The following GHSR variants were observed in gnomAD, a reference collection of about 807,000 sequenced individuals.
GHSR encodes growth hormone secretagogue receptor, also known as growth hormone secretagogue receptor type 1.
GHSR carries 17 observed loss-of-function variants against 24.0 expected under a neutral mutation model. The ratio of observed to expected loss-of-function variants is 0.71; its 90% confidence interval spans 0.49 to 1.06. The LOEUF (loss-of-function observed/expected upper bound fraction) is 1.06. Among genes scored for constraint, GHSR ranks in the 50% least tolerant of loss-of-function variants. The pLI is 0.00. For synonymous variants in GHSR, 238 were observed against 208.1 expected, an observed-to-expected ratio of 1.14 and a Z score of -1.24; for missense variants, 504 against 483.1, an observed-to-expected ratio of 1.04 and a Z score of -0.41.
In GHSR at chr3:172,448,101, G is replaced by T. The variant is rs1737525076; in HGVS notation, c.313C>A (p.Gln105Lys). ...TCGCCGAAGTTCCAGGGCCGGTACT[G>T]CCAGAGGCGAACGAGGTCCAGGGGC... ...CMPLDLVRLW[Q>K]YRPWNFGDLL... The change falls in exon 1 of 2, where the codon CAG becomes AAG. Residue 105 changes from glutamine to lysine, a missense_variant. Transcript: ENST00000241256. The surrounding 1 kb of genome is among the most constrained non-coding windows in gnomAD (Gnocchi z 4.8). 1.9e-6 allele frequency: 3 copies of T among 1,614,122 alleles called. No homozygotes were observed. The highest frequency in any genetic ancestry group is 2.5e-6 in the Non-Finnish European group (3 of 1,180,030).
rs543920867 is a variant in GHSR at position 172,444,867 on chromosome 3, G to T, written c.*294C>A. Among the ~76,000 whole-genome samples, 144 of 152,222 alleles carry T rather than the reference G, an allele frequency of 9.5e-4. 1 individual carries two copies. The highest frequency in any genetic ancestry group is 3.2e-3 in the African/African-American group (135 of 41,542). On this transcript the variant is annotated 3_prime_UTR_variant, in exon 2 of 2. Transcript: ENST00000241256. ...TTACCTACCAAGAAGTGCCCTAATT[G>T]CTCACTCTGCTCTTCCTCCTTTCTC...
chr3:172,445,107 C>T lies in GHSR; in HGVS notation c.*54G>A. ...CAGCTTCCTCCCAAGTTCTGCTGTGCTATGTCTTCCGGTTTAGAGTAATAA... is the reference window on the plus strand; with the variant it reads ...CAGCTTCCTCCCAAGTTCTGCTGTGTTATGTCTTCCGGTTTAGAGTAATAA... On this transcript the variant is annotated 3_prime_UTR_variant, in exon 2 of 2. Coordinates refer to ENST00000241256, the MANE Select transcript of GHSR (RefSeq NM_198407.2). 1 of 1,592,778 alleles carries T rather than the reference C, an allele frequency of 6.3e-7. No individual in the cohort carries two copies. The highest frequency in any genetic ancestry group is 1.1e-5 in the South Asian group (1 of 90,544).
rs886058181 is a variant in GHSR, at chr3:172,443,816, C to A, written c.*1345G>T. On this transcript the variant is annotated 3_prime_UTR_variant, in exon 2 of 2. Coordinates refer to ENST00000241256, the MANE Select transcript of GHSR (RefSeq NM_198407.2). ...TATCAGATAAGCAATGGGATATAAGCAGCAAAACTAATTTGGAGACAGGAC... is the reference window on the plus strand; with the variant it reads ...TATCAGATAAGCAATGGGATATAAGAAGCAAAACTAATTTGGAGACAGGAC... 3.9e-5 allele frequency among the ~76,000 whole-genome samples: 6 copies of A among 152,040 alleles called. No homozygotes were observed. The East Asian group carries it at 9.6e-4, about 24-fold the overall frequency.
rs115001188 is a variant in GHSR, at chr3:172,443,433, T to C, written c.*1728A>G. ...AGAGAAATGATTCTAATTATGATTG[T>C]GTTTGGATGTTTCCAAACTAAATAA... is the stretch of plus-strand genomic sequence containing the variant. On this transcript the variant is annotated 3_prime_UTR_variant, in exon 2 of 2. Transcript: ENST00000241256. Among the ~76,000 whole-genome samples, 531 of 152,338 alleles carry C rather than the reference T, an allele frequency of 3.5e-3. 7 individuals are homozygous for C. The highest frequency in any genetic ancestry group is 0.012 in the African/African-American group (514 of 41,584).
In GHSR at chr3:172,448,105, G is replaced by C; in HGVS notation, c.309C>G (p.Leu103=). ...FLCMPLDLVR[L]WQYRPWNFGD... The stretch of plus-strand genomic sequence containing the variant: ...CGAAGTTCCAGGGCCGGTACTGCCA[G>C]AGGCGAACGAGGTCCAGGGGCATGC... The change falls in exon 1 of 2, where the codon CTC becomes CTG. Residue 103 remains leucine (L), a synonymous_variant. Transcript: ENST00000241256. The surrounding 1 kb of genome is among the most constrained non-coding windows in gnomAD (Gnocchi z 4.8). 1 of 1,614,242 alleles carries C rather than the reference G, an allele frequency of 6.2e-7. No homozygotes were observed. The highest frequency in any genetic ancestry group is 8.5e-7 in the Non-Finnish European group (1 of 1,180,046).
In GHSR at chr3:172,445,326, G is replaced by T; in HGVS notation, c.936C>A (p.Phe312Leu). 6.2e-7 allele frequency: 1 copy of T among 1,614,178 alleles called. No homozygotes were observed. The highest frequency in any genetic ancestry group is 2.2e-5 in the East Asian group (1 of 44,872). Residue 312 changes from phenylalanine (F) to leucine (L), a missense_variant, in exon 2 of 2, where the codon TTC becomes TTA. By Grantham distance (22) the Phe-to-Leu change is conservative. Coordinates refer to ENST00000241256, the MANE Select transcript of GHSR (RefSeq NM_198407.2). ...TGGGGTTGATGGCAGCACTGAGGTA[G>T]AAGAGGACAAAGGACACGAGGTTGC... ...QYCNLVSFVL[F>L]YLSAAINPIL...
Position 172,445,010 on chromosome 3 carries a change from C to T in GHSR, c.*151G>A, listed in dbSNP as rs1329646040. On this transcript the variant is annotated 3_prime_UTR_variant, in exon 2 of 2. Coordinates refer to ENST00000241256, the MANE Select transcript of GHSR (RefSeq NM_198407.2). ...TGCGATCAAATCAAACTGCTCACAC[C>T]CTACAAATGATATCTTTTTTCCCTC... 7.2e-6 allele frequency: 6 copies of T among 833,392 alleles called. No homozygotes were observed. The highest frequency in any genetic ancestry group is 1.2e-5 in the Non-Finnish European group (6 of 503,752). 51.6% of individuals were successfully genotyped at this position (833,392 alleles called of 1,614,324 possible).
chr3:172,445,593 T>C, intron 1 of GHSR, 128 bp from the exon 2 acceptor site: 1 of 952,282 alleles, frequency 1.1e-6, no homozygotes. Context: ...TGTGTCCTGC[T>C]CTTCCTGTTC....
rs1737537346 is a variant in GHSR, at chr3:172,448,315, C to A, written c.99G>T (p.Glu33Asp). The A allele has an allele frequency of 1.2e-6, 2 of 1,609,610 alleles. No homozygotes were observed. Among genetic ancestry groups the A allele is most frequent in the Admixed American group, 1.7e-5 (1 of 59,982 alleles). ...GCGGCGCGGGGAAGAGCTGCAGCAG[C>A]TCGTCGCCCAGCGAGTCGTTGCCGG... ...ASPGNDSLGD[E>D]LLQLFPAPLL... The change falls in exon 1 of 2, where the codon GAG (glutamate) becomes GAT (aspartate). Residue 33 changes from glutamate to aspartate, a missense_variant. Transcript: ENST00000241256. This position sits in a 1 kb window ranked among gnomAD's most constrained non-coding sequence, Gnocchi z 4.8.
Position 172,445,185 on chromosome 3 carries a change from C to CCAGG in GHSR, c.1073_1076dup (p.Trp359CysfsTer6), listed in dbSNP as rs1737428525. ...GTCATGTATTAATACTAGATTCTGT[C>CCAGG]CAGGCCCGAGAACTTTCATCTTTCA... On this transcript the variant is annotated frameshift_variant, in exon 2 of 2. Coordinates refer to ENST00000241256, the MANE Select transcript of GHSR (RefSeq NM_198407.2). LOFTEE classifies it high-confidence loss of function. 6.2e-7 allele frequency: 1 copy of CCAGG among 1,614,124 alleles called. No individual in the cohort carries two copies.
rs765895345 is a variant in GHSR, at chr3:172,443,735, T to A, written c.*1426A>T. Among the ~76,000 whole-genome samples, 1 of 152,208 alleles carries A rather than the reference T, an allele frequency of 6.6e-6. No individual in the cohort carries two copies. The highest frequency in any genetic ancestry group is 1.5e-5 in the Non-Finnish European group (1 of 68,018). On this transcript the variant is annotated 3_prime_UTR_variant, in exon 2 of 2. Transcript: ENST00000241256. ...AATGTATAATATTTAGTTGAAGATGTCTATTCATTCATAATTAGAATTAAG... is the reference window on the plus strand; with the variant it reads ...AATGTATAATATTTAGTTGAAGATGACTATTCATTCATAATTAGAATTAAG...
chr3:172,445,586 G>A, intron 1 of GHSR, 121 bp from the exon 2 acceptor site: 1 of 1,011,732 alleles, frequency 9.9e-7, no homozygotes, highest in South Asian at 1.4e-5. Context: ...GAAACATTGT[G>A]TCCTGCTCTT....
intron 1 of GHSR, 118 bp from the exon 2 acceptor site, chr3:172,445,583 T>C: frequency 9.7e-7 from 1 of 1,031,058 alleles, no homozygotes; most frequent in Non-Finnish European, 1.5e-6. Flanking sequence ...AGAGAAACAT[T>C]GTGTCCTGCT....
In GHSR at chr3:172,447,638, T is replaced by C. The variant is rs760374765; in HGVS notation, c.776A>G (p.Lys259Arg). Residue 259 changes from lysine (K) to arginine (R), a missense_variant, in exon 1 of 2, where the codon AAG becomes AGG. By Grantham distance (26) the Lys-to-Arg change is conservative. Coordinates refer to ENST00000241256, the MANE Select transcript of GHSR (RefSeq NM_198407.2). ...CCCACCCAGCATTTTCACGGTTTGC[T>C]TGTGGTTCTGGTCCCTGAGCGAGGC... is the stretch of plus-strand genomic sequence containing the variant. ...VGASLRDQNH[K>R]QTVKMLAVVV... 3 of 1,613,960 alleles carry C rather than the reference T, an allele frequency of 1.9e-6. No individual in the cohort carries two copies. The highest frequency in any genetic ancestry group is 1.1e-5 in the South Asian group (1 of 91,070).
chr3:172,445,322 G>T lies in GHSR; in HGVS notation c.940C>A (p.Leu314Ile). ...AGAATGGGGTTGATGGCAGCACTGA[G>T]GTAGAAGAGGACAAAGGACACGAGG... is the stretch of plus-strand genomic sequence containing the variant. ...CNLVSFVLFY[L>I]SAAINPILYN... Residue 314 changes from leucine to isoleucine, a missense_variant, in exon 2 of 2, where the codon CTC becomes ATC. Physicochemically the swap from Leu to Ile is conservative, Grantham distance 5. Transcript: ENST00000241256. 2 of 1,614,176 alleles carry T rather than the reference G, an allele frequency of 1.2e-6. No individual in the cohort carries two copies. The highest frequency in any genetic ancestry group is 1.7e-6 in the Non-Finnish European group (2 of 1,180,034).
rs1318213582 is a variant in GHSR at position 172,443,926 on chromosome 3, A to G, written c.*1235T>C. On this transcript the variant is annotated 3_prime_UTR_variant, in exon 2 of 2. Transcript: ENST00000241256. ...AAGCAGTAGCATTTAGGGGATTCTC[A>G]GTTTTTCACATAAGCCTGCCTTCAT... is the stretch of plus-strand genomic sequence containing the variant. Among the ~76,000 whole-genome samples the G allele has an allele frequency of 6.6e-6, 1 of 152,186 alleles. No homozygotes were observed. The highest frequency in any genetic ancestry group is 6.5e-5 in the Admixed American group (1 of 15,278).
intron 1 of GHSR, chr3:172,447,396 GA>G: frequency 2.1e-6 from 2 of 965,756 alleles, no homozygotes; most frequent in Non-Finnish European, 3.0e-6. Flanking sequence ...AGGAGAGAGA[GA>G]GACAGAGACA....
In GHSR at chr3:172,444,688, C is replaced by T. The variant is rs1180804584; in HGVS notation, c.*473G>A. On this transcript the variant is annotated 3_prime_UTR_variant, in exon 2 of 2. Transcript: ENST00000241256. ...TAATAATTTTTGTACTGATTGCTCACGTGCCTCATGTTATATTTCTCTTGG... is the reference window on the plus strand; with the variant it reads ...TAATAATTTTTGTACTGATTGCTCATGTGCCTCATGTTATATTTCTCTTGG... 6.6e-6 allele frequency among the ~76,000 whole-genome samples: 1 copy of T among 152,154 alleles called. No homozygotes were observed. Among genetic ancestry groups the T allele is most frequent in the Non-Finnish European group, 1.5e-5 (1 of 68,012 alleles).
rs1374068935 is a variant in GHSR at position 172,443,663 on chromosome 3, T to C, written c.*1498A>G. Among the ~76,000 whole-genome samples, 2 of 152,120 alleles carry C rather than the reference T, an allele frequency of 1.3e-5. No homozygotes were observed. The highest frequency in any genetic ancestry group is 1.3e-4 in the Admixed American group (2 of 15,280). Reference sequence around the variant, plus strand: ...CCTTTAGTATGCAAAGAGTTGACTGTATAGGAAGCAATGTCAATATAAATG... The same window carrying C: ...CCTTTAGTATGCAAAGAGTTGACTGCATAGGAAGCAATGTCAATATAAATG... On this transcript the variant is annotated 3_prime_UTR_variant, in exon 2 of 2. Transcript: ENST00000241256.
Sources: allele counts gnomAD v4.1 joint callset (sites outside exome capture counted in the v4.1 genomes callset), GRCh38; gene constraint gnomAD v4.1.1; non-coding constraint Gnocchi (gnomAD v3.1); transcripts MANE v1.5; gene names NCBI Gene and HGNC (gene_info 2026-07-23, HGNC 2026-07-21).